Variants in KCNH7 observed in about 807,000 individuals in gnomAD.
KCNH7 encodes potassium voltage-gated channel subfamily H member 7.
Under a neutral mutation model 120.8 loss-of-function variants are expected in KCNH7, and 49 were observed. That is an observed-to-expected ratio of 0.41 (90% CI 0.32 to 0.51). KCNH7 has a LOEUF of 0.51. Ranked by LOEUF, KCNH7 falls within the 20% of genes least tolerant of loss-of-function variation. The pLI, the probability that KCNH7 is intolerant of heterozygous loss-of-function variation, is 0.38. For missense variants in KCNH7, 1,097 were observed against 1,446.6 expected, an observed-to-expected ratio of 0.76 and a Z score of 3.92; for synonymous variants, 547 against 516.1, an observed-to-expected ratio of 1.06 and a Z score of -0.81.
At chr2:162,717,738 C>T (rs571081305) in intron 2 of KCNH7, among the ~76,000 whole-genome samples, 4 of 152,026 alleles carry the variant, frequency 2.6e-5, no homozygotes, top group South Asian at 4.1e-4. Context: ...GGAGAATAAG[C>T]GCCTGTTTTT....
intron 8 of KCNH7, among the ~76,000 whole-genome samples, chr2:162,428,485 C>T (rs968728702): frequency 6.6e-6 from 1 of 151,864 alleles, no homozygotes; most frequent in Non-Finnish European, 1.5e-5. Flanking sequence ...ATGTTCCATA[C>T]ATGCTAGAAA....
At chr2:162,772,409 A>T (rs937012252) in intron 2 of KCNH7, among the ~76,000 whole-genome samples, 56 of 152,154 alleles carry the variant, frequency 3.7e-4, no homozygotes, top group Non-Finnish European at 1.0e-4. Context: ...TATCCAAATG[A>T]TCTCTAAAAA....
At chr2:162,602,182 T>A (rs140094311) in intron 2 of KCNH7, among the ~76,000 whole-genome samples, 341 of 152,098 alleles carry the variant, frequency 2.2e-3, no homozygotes, top group Non-Finnish European at 4.2e-3. Flanking sequence ...TGGTTAGAGG[T>A]GAGTTGGGGG....
intron 2 of KCNH7, among the ~76,000 whole-genome samples, chr2:162,790,607 A>G (rs1683897955): frequency 6.6e-6 from 1 of 152,104 alleles, no homozygotes; most frequent in Admixed American, 6.6e-5. Flanking sequence ...AACTGAATGG[A>G]ACAGCACATT....
At chr2:162,756,784 AAT>A (rs1249734989) in intron 2 of KCNH7, among the ~76,000 whole-genome samples, 1 of 152,120 alleles carries the variant, frequency 6.6e-6, no homozygotes, top group Non-Finnish European at 1.5e-5. Context: ...AATTAAACTA[AAT>A]TAAAAGATTT....
At chr2:162,409,380 T>G (rs1415745286) in intron 9 of KCNH7, among the ~76,000 whole-genome samples, 1 of 151,754 alleles carries the variant, frequency 6.6e-6, no homozygotes, top group East Asian at 1.9e-4. Flanking sequence ...AAAGAAGAAG[T>G]AGAACAAATA....
chr2:162,586,561 G>C (rs6705823), intron 2 of KCNH7, among the ~76,000 whole-genome samples: 6,657 of 151,990 alleles, frequency 0.044, 291 homozygotes, highest in East Asian at 0.11. Context: ...AGAATCATGA[G>C]CAAATAAATG....
chr2:162,805,033 C>T (rs1000655495), intron 2 of KCNH7, among the ~76,000 whole-genome samples: 1 of 151,538 alleles, frequency 6.6e-6, no homozygotes, highest in African/African-American at 2.4e-5. Flanking sequence ...GCTAGCTACA[C>T]GAAGAAGAAT....
At chr2:162,666,432 A>G (rs1035788006) in intron 2 of KCNH7, among the ~76,000 whole-genome samples, 2 of 151,786 alleles carry the variant, frequency 1.3e-5, no homozygotes, top group African/African-American at 4.8e-5. Context: ...CTGCATCCAA[A>G]GAACGTGTCC....
At chr2:162,427,844 C>G (rs1687917434) in intron 8 of KCNH7, among the ~76,000 whole-genome samples, 1 of 151,598 alleles carries the variant, frequency 6.6e-6, no homozygotes, top group Non-Finnish European at 1.5e-5. Context: ...CTTTTCTTAT[C>G]CTTTTAATGT....
intron 2 of KCNH7, among the ~76,000 whole-genome samples, chr2:162,731,450 A>T (rs1319126384): frequency 6.6e-6 from 1 of 151,870 alleles, no homozygotes; most frequent in Non-Finnish European, 1.5e-5. Context: ...TGACTAAGCA[A>T]TCCTTGTATA....
chr2:162,641,586 C>T (rs532420253), intron 2 of KCNH7, among the ~76,000 whole-genome samples: 2 of 152,022 alleles, frequency 1.3e-5, no homozygotes, highest in East Asian at 1.9e-4. Flanking sequence ...GTATATTATT[C>T]CTCTTACACA....
At chr2:162,630,117 G>C (rs566466268) in intron 2 of KCNH7, among the ~76,000 whole-genome samples, 4 of 152,012 alleles carry the variant, frequency 2.6e-5, no homozygotes, top group Non-Finnish European at 5.9e-5. Context: ...ACAAGACTTA[G>C]GGCCTGGAAA....
chr2:162,487,522 G>C (rs1574018191), intron 6 of KCNH7, among the ~76,000 whole-genome samples: 1 of 152,088 alleles, frequency 6.6e-6, no homozygotes, highest in Middle Eastern at 3.2e-3. Flanking sequence ...TGATTCCATT[G>C]ATCAGGAAAT....
At chr2:162,834,169 A>C (rs1233123437) in intron 2 of KCNH7, among the ~76,000 whole-genome samples, 1 of 152,052 alleles carries the variant, frequency 6.6e-6, no homozygotes, top group African/African-American at 2.4e-5. Flanking sequence ...TTTGTATCTC[A>C]TAAGCTCTAA....
intron 6 of KCNH7, among the ~76,000 whole-genome samples, chr2:162,474,431 G>T (rs764227348): frequency 3.3e-5 from 5 of 152,176 alleles, no homozygotes; most frequent in South Asian, 4.1e-4. Context: ...CAAAATTGGA[G>T]GTTCTGAAAC....
chr2:162,708,433 G>A (rs1017746191), intron 2 of KCNH7, among the ~76,000 whole-genome samples: 4 of 152,016 alleles, frequency 2.6e-5, no homozygotes, highest in African/African-American at 9.7e-5. Flanking sequence ...AAGTATTGAG[G>A]GACACAGGCC....
chr2:162,796,144 T>C (rs1684137910), intron 2 of KCNH7: 1 of 152,080 alleles, frequency 6.6e-6, no homozygotes, highest in African/African-American at 2.4e-5. Flanking sequence ...GCATGGAAAC[T>C]GGAATCAGAG....
At chr2:162,486,660 A>C (rs1690105211) in intron 6 of KCNH7, among the ~76,000 whole-genome samples, 1 of 152,152 alleles carries the variant, frequency 6.6e-6, no homozygotes, top group South Asian at 2.1e-4. Context: ...TTTTCTTTTA[A>C]AGAGTTTTAA....
Sources: allele counts gnomAD v4.1 joint callset (sites outside exome capture counted in the v4.1 genomes callset), GRCh38; gene constraint gnomAD v4.1.1; transcripts MANE v1.5; gene names NCBI Gene and HGNC (gene_info 2026-07-23, HGNC 2026-07-21).